The following SETD1A variants were observed in gnomAD, a reference collection of about 807,000 sequenced individuals.
SETD1A encodes SET domain containing 1A, histone lysine methyltransferase, also known as histone-lysine N-methyltransferase SETD1A.
A neutral mutation model predicts 149.9 loss-of-function variants in SETD1A; 29 were observed. The ratio of observed to expected loss-of-function variants is 0.19; its 90% confidence interval spans 0.14 to 0.26. SETD1A has a LOEUF of 0.26. SETD1A is among the 10% of genes least tolerant of loss of function. The probability of loss-of-function intolerance (pLI) is 1.00; values close to 1 mark genes in which losing one functional copy is unlikely to be tolerated. For synonymous variants in SETD1A, 1,141 were observed against 968.5 expected (o/e 1.18, Z -3.31); for missense variants, 2,109 against 2,353.1 (o/e 0.90, Z 2.15).
chr16:30,975,358 C>G (rs973430830), intron 13 of SETD1A, among the ~76,000 whole-genome samples: 11 of 151,748 alleles, frequency 7.2e-5, no homozygotes, highest in Admixed American at 2.0e-4. Context: ...TGTCAAGTAC[C>G]TATGTGTGCC....
In SETD1A at chr16:30,964,404, C is replaced by G. The variant is rs180797062; in HGVS notation, c.869+81C>G. ...GGAAGAAGATGCCCAGAGTCTGTCT[C>G]CAAGAGGGAGTTGGAAATAATTTGT... On this transcript the variant is annotated intron_variant, in intron 6 of 18. Coordinates refer to ENST00000262519, the MANE Select transcript of SETD1A (RefSeq NM_014712.3). 2.8e-4 allele frequency: 388 copies of G among 1,368,318 alleles called. 1 individual carries two copies. The Admixed American group carries it at 4.0e-3, about 14-fold the overall frequency. The allele number at this position is 1,368,318 out of a possible 1,614,324, so 84.8% of individuals were successfully genotyped here.
At chr16:30,973,370 A>G (rs915938494) in intron 13 of SETD1A, among the ~76,000 whole-genome samples, 1 of 152,154 alleles carries the variant, frequency 6.6e-6, no homozygotes, top group African/African-American at 2.4e-5. Context: ...TGTTGCAAGG[A>G]TAGATCAAAT....
chr16:30,983,299 G>C lies in SETD1A; in HGVS notation c.4813-336G>C, dbSNP rs1379944240. ...GTTGGTGACATGGCCAGTCATTTCA[G>C]GAGCTGCCCCAACCCCAGACTTGCC... On this transcript the variant is annotated intron_variant, in intron 17 of 18. Transcript: ENST00000262519. The surrounding 1 kb of genome is among the most constrained non-coding windows in gnomAD (Gnocchi z 6.8). 6.6e-6 allele frequency among the ~76,000 whole-genome samples: 1 copy of C among 152,206 alleles called. No homozygotes were observed. Among genetic ancestry groups the C allele is most frequent in the Non-Finnish European group, 1.5e-5 (1 of 68,036 alleles).
chr16:30,980,669 C>T lies in SETD1A; in HGVS notation c.4581+12C>T. ...GCGTGGACACTCAGGTGGGCCTAAC[C>T]CCGCCGCCGCGTCCTCCTGCCACTC... On this transcript the variant is annotated intron_variant, in intron 15 of 18. Coordinates refer to ENST00000262519, the MANE Select transcript of SETD1A (RefSeq NM_014712.3). This position sits in a 1 kb window ranked among gnomAD's most constrained non-coding sequence, Gnocchi z 7.7. The T allele has an allele frequency of 6.2e-7, 1 of 1,610,510 alleles. No homozygotes were observed. Among genetic ancestry groups the T allele is most frequent in the South Asian group, 1.1e-5 (1 of 90,904 alleles).
chr16:30,972,593 C>T (rs545177010), intron 13 of SETD1A, among the ~76,000 whole-genome samples: 142 of 150,522 alleles, frequency 9.4e-4, no homozygotes, highest in Non-Finnish European at 1.5e-3. Flanking sequence ...GAGCCGAGAT[C>T]GCACCACTAC....
In SETD1A at chr16:30,980,966, A is replaced by G. The variant is rs2143590814; in HGVS notation, c.4693-95A>G. 6.3e-7 allele frequency: 1 copy of G among 1,581,282 alleles called. No individual in the cohort carries two copies. The highest frequency in any genetic ancestry group is 8.6e-7 in the Non-Finnish European group (1 of 1,158,854). On this transcript the variant is annotated intron_variant, in intron 16 of 18. Coordinates refer to ENST00000262519, the MANE Select transcript of SETD1A (RefSeq NM_014712.3). This position sits in a 1 kb window ranked among gnomAD's most constrained non-coding sequence, Gnocchi z 7.7. ...CCTCGGGTGGAGTTGGGGGGTAAGC[A>G]GCCAGAACACCCTCTGCCCAGGAAG...
chr16:30,965,346 G>A lies in SETD1A; in HGVS notation c.1604G>A (p.Gly535Glu), dbSNP rs2056125022. The A allele has an allele frequency of 6.2e-7, 1 of 1,614,148 alleles. No individual in the cohort carries two copies. The highest frequency in any genetic ancestry group is 1.7e-5 in the Admixed American group (1 of 60,030). Residue 535 changes from glycine (G) to glutamate (E), a missense_variant, in exon 7 of 19, where the codon GGG (glycine) becomes GAG (glutamate). By Grantham distance (98) the Gly-to-Glu change is moderately conservative. Coordinates refer to ENST00000262519, the MANE Select transcript of SETD1A (RefSeq NM_014712.3). ...DTGSEVPSGSGHGPCTPPPAP... is the reference protein window; with the variant it reads ...DTGSEVPSGSEHGPCTPPPAP... ...GGGAGTGAGGTGCCTTCTGGGTCAGGGCATGGGCCCTGCACACCCCCTCCG... is the reference window on the plus strand; with the variant it reads ...GGGAGTGAGGTGCCTTCTGGGTCAGAGCATGGGCCCTGCACACCCCCTCCG...
chr16:30,975,768 C>T (rs550469089), intron 13 of SETD1A, among the ~76,000 whole-genome samples: 1 of 152,046 alleles, frequency 6.6e-6, no homozygotes, highest in South Asian at 2.1e-4. Context: ...TAGATGAGGG[C>T]TTCAAGGCTT....
rs1479199303 is a variant in SETD1A, at chr16:30,980,748, C to T, written c.4591C>T (p.Arg1531Cys). 2.5e-6 allele frequency: 4 copies of T among 1,612,656 alleles called. No homozygotes were observed. The highest frequency in any genetic ancestry group is 3.4e-6 in the Non-Finnish European group (4 of 1,179,716). The change falls in exon 16 of 19, where the codon CGC (arginine) becomes TGC (cysteine). Residue 1531 changes from arginine to cysteine, a missense_variant. Arg to Cys is a radical substitution (Grantham distance 180). Transcript: ENST00000262519. The surrounding 1 kb of genome is among the most constrained non-coding windows in gnomAD (Gnocchi z 7.7). ...LEGVDTQGTNRVLSERRSEQR... is the reference protein window; with the variant it reads ...LEGVDTQGTNCVLSERRSEQR... ...GCCGTGTGTCTCACAGGGGACGAAC[C>T]GCGTGCTGTCCGAGCGCCGGTCCGA... is the stretch of plus-strand genomic sequence containing the variant.
Position 30,959,033 on chromosome 16 carries a change from G to A in SETD1A, c.151-58G>A. The stretch of plus-strand genomic sequence containing the variant: ...TGTGTGTGTCCAGATGGGCTGCTTG[G>A]AGCTCCCTAGCCTGGATTCACCCTG... On this transcript the variant is annotated intron_variant, in intron 2 of 18. Transcript: ENST00000262519. 4 of 1,477,110 alleles carry A rather than the reference G, an allele frequency of 2.7e-6. No individual in the cohort carries two copies. In the South Asian group the frequency reaches 4.5e-5, roughly 17 times the overall value. 91.5% of individuals were successfully genotyped at this position (1,477,110 alleles called of 1,614,324 possible).
chr16:30,980,645 C>A lies in SETD1A; in HGVS notation c.4569C>A (p.Gly1523=). Residue 1523 remains glycine (G), a synonymous_variant, in exon 15 of 19, where the codon GGC becomes GGA. Coordinates refer to ENST00000262519, the MANE Select transcript of SETD1A (RefSeq NM_014712.3). This position sits in a 1 kb window ranked among gnomAD's most constrained non-coding sequence, Gnocchi z 7.7. ...VCPVSARQLE[G]VDTQGTNRVL... The stretch of plus-strand genomic sequence containing the variant: ...CAGTCTCGGCCCGGCAGCTGGAGGG[C>A]GTGGACACTCAGGTGGGCCTAACCC... The A allele has an allele frequency of 1.9e-6, 3 of 1,612,872 alleles. No homozygotes were observed. Among genetic ancestry groups the A allele is most frequent in the Non-Finnish European group, 1.7e-6 (2 of 1,179,804 alleles).
chr16:30,984,092 C>A lies in SETD1A; in HGVS notation c.*69C>A. 2.7e-6 allele frequency: 4 copies of A among 1,455,300 alleles called. No individual in the cohort carries two copies. The highest frequency in any genetic ancestry group is 3.7e-6 in the Non-Finnish European group (4 of 1,074,208). 90.1% of individuals were successfully genotyped at this position (1,455,300 alleles called of 1,614,324 possible). A position where few individuals can be genotyped will look rare whatever the true frequency, so the allele number is the denominator to read the frequency against. The stretch of plus-strand genomic sequence containing the variant: ...GTGCCCTGAGCTCCCAGCACCCCCC[C>A]AGCCTTAGTGGGCTCAGCAGGGCCC... On this transcript the variant is annotated 3_prime_UTR_variant, in exon 19 of 19. Coordinates refer to ENST00000262519, the MANE Select transcript of SETD1A (RefSeq NM_014712.3).
rs143782139 is a variant in SETD1A at position 30,964,102 on chromosome 16, C to G, written c.648C>G (p.Ser216=). The part of the protein sequence containing the change: ...GSGAATETAE[S]RRRSSSDTAA... ...CTGCTCTGTCGCTCTAGGCCGAATC[C>G]CGCCGCCGCTCTTCCTCTGACACAG... The change falls in exon 6 of 19, where the codon TCC becomes TCG. Residue 216 remains serine (S), a synonymous_variant. Coordinates refer to ENST00000262519, the MANE Select transcript of SETD1A (RefSeq NM_014712.3). 3 of 1,612,506 alleles carry G rather than the reference C, an allele frequency of 1.9e-6. No homozygotes were observed. In the African/African-American group the frequency reaches 4.0e-5, roughly 22 times the overall value.
intron 5 of SETD1A, 73 bp from the exon 6 acceptor site, chr16:30,964,021 G>A: frequency 8.4e-7 from 1 of 1,195,092 alleles, no homozygotes; most frequent in Non-Finnish European, 1.2e-6. Context: ...TAGGATTCCT[G>A]GTTTGGGAAA....
chr16:30,960,446 A>C (rs2056034927), intron 3 of SETD1A, among the ~76,000 whole-genome samples: 1 of 152,194 alleles, frequency 6.6e-6, no homozygotes, highest in Admixed American at 6.6e-5. Context: ...AGTAAGAATG[A>C]CACCATCTTT....
chr16:30,959,171 A>G lies in SETD1A; in HGVS notation c.231A>G (p.Pro77=), dbSNP rs764038361. The change falls in exon 3 of 19, where the codon CCA becomes CCG. Residue 77 remains proline (P), a synonymous_variant. Transcript: ENST00000262519. The part of the protein sequence containing the change: ...VRSKNRDFSL[P]VPKFKLDEFY... ...CCAAAAACAGAGACTTTTCCCTCCC[A>G]GTCCCTAAGTTTAAGGTAAGTGTCT... 1.5e-5 allele frequency: 24 copies of G among 1,611,458 alleles called. No homozygotes were observed. Among genetic ancestry groups the G allele is most frequent in the Middle Eastern group, 1.6e-4 (1 of 6,078 alleles).
Position 30,961,364 on chromosome 16 carries a change from G to A in SETD1A, c.344G>A (p.Arg115His), listed in dbSNP as rs772369198. ...VRETFLKDMC[R>H]KYGEVEEVEI... ...GAGACCTTCCTGAAGGATATGTGCC[G>A]TAAGTACGGTGAGGTGGAAGAGGTA... Residue 115 changes from arginine (R) to histidine (H), a missense_variant, in exon 4 of 19, where the codon CGT becomes CAT. Physicochemically the swap from Arg to His is conservative, Grantham distance 29. Transcript: ENST00000262519. The surrounding 1 kb of genome is among the most constrained non-coding windows in gnomAD (Gnocchi z 4.0). The A allele has an allele frequency of 7.4e-6, 12 of 1,614,174 alleles. No homozygotes were observed. Among genetic ancestry groups the A allele is most frequent in the East Asian group, 4.5e-5 (2 of 44,892 alleles).
chr16:30,984,044 CA>C lies in SETD1A; in HGVS notation c.*22del. The C allele has an allele frequency of 6.2e-7, 1 of 1,602,112 alleles. No individual in the cohort carries two copies. Among genetic ancestry groups the C allele is most frequent in the Non-Finnish European group, 8.5e-7 (1 of 1,173,586 alleles). ...ACTGAGGTGGGGCAGGATGGGTGCC[CA>C]CACCCCTATTTATTCCCCCTGGTGC... On this transcript the variant is annotated 3_prime_UTR_variant, in exon 19 of 19. Coordinates refer to ENST00000262519, the MANE Select transcript of SETD1A (RefSeq NM_014712.3).
rs747299209 is a variant in SETD1A at position 30,964,797 on chromosome 16, C to G, written c.1055C>G (p.Ser352Cys). ...TTGTCCTCGTCCTCCTCGTCATCCT[C>G]TTCCTCCTCGTCCTCTCAGTTTCGT... The part of the protein sequence containing the change: ...SSLSSSSSSS[S>C]SSSSSQFRSS... The change falls in exon 7 of 19, where the codon TCT becomes TGT. Residue 352 changes from serine to cysteine, a missense_variant. By Grantham distance (112) the Ser-to-Cys change is moderately radical. Coordinates refer to ENST00000262519, the MANE Select transcript of SETD1A (RefSeq NM_014712.3). The G allele has an allele frequency of 7.4e-6, 12 of 1,614,202 alleles. No homozygotes were observed. The South Asian group carries it at 1.2e-4, about 16-fold the overall frequency.
Sources: allele counts gnomAD v4.1 joint callset (sites outside exome capture counted in the v4.1 genomes callset), GRCh38; gene constraint gnomAD v4.1.1; non-coding constraint Gnocchi (gnomAD v3.1); transcripts MANE v1.5; gene names NCBI Gene and HGNC (gene_info 2026-07-23, HGNC 2026-07-21).